Variants in LRRC8D observed in about 807,000 individuals in gnomAD.
LRRC8D encodes the protein volume-regulated anion channel subunit LRRC8D.
In LRRC8D, 20 loss-of-function variants were observed where a neutral mutation model predicts 55.8. The observed-to-expected ratio is 0.36, with a 90% confidence interval of 0.25 to 0.52. The LOEUF is 0.52. LRRC8D is among the 20% of genes least tolerant of loss of function. The pLI, the probability that LRRC8D is intolerant of heterozygous loss-of-function variation, is 0.93. For synonymous variants in LRRC8D, 352 were observed against 377.0 expected (o/e 0.93, Z 0.77); for missense variants, 651 against 1,030.8 (o/e 0.63, Z 5.05).
intron 2 of LRRC8D, among the ~76,000 whole-genome samples, chr1:89,864,068 C>T (rs1158060397): frequency 2.6e-5 from 4 of 152,188 alleles, no homozygotes; most frequent in Non-Finnish European, 4.4e-5. Context: ...CCCATTGTCC[C>T]ATCAAAGAAA....
At position 89,934,226 on chromosome 1, in the gene LRRC8D, G is replaced by C; in HGVS notation, c.1158G>C (p.Trp386Cys). 6.2e-7 allele frequency: 1 copy of C among 1,614,020 alleles called. No individual in the cohort carries two copies. The highest frequency in any genetic ancestry group is 8.5e-7 in the Non-Finnish European group (1 of 1,179,988). The change falls in exon 3 of 3, where the codon TGG becomes TGC. Residue 386 changes from tryptophan to cysteine, a missense_variant. By Grantham distance (215) the Trp-to-Cys change is radical. Around this residue, in one of 5 missense-constraint regions of LRRC8D, gnomAD observed 178 missense variants for 374.9 expected, o/e 0.47. Transcript: ENST00000337338. The surrounding 1 kb of genome is among the most constrained non-coding windows in gnomAD (Gnocchi z 5.9). ...TTATCTGCCTCTACACTCTCTTCTGGTTATTCAGGATACCTTTGAAGGAAT... is the reference window on the plus strand; with the variant it reads ...TTATCTGCCTCTACACTCTCTTCTGCTTATTCAGGATACCTTTGAAGGAAT... The part of the protein sequence containing the change: ...YGFICLYTLF[W>C]LFRIPLKEYS...
chr1:89,835,474 C>G (rs1002224663), intron 1 of LRRC8D, among the ~76,000 whole-genome samples: 9 of 152,188 alleles, frequency 5.9e-5, no homozygotes, highest in African/African-American at 2.2e-4. Context: ...CTGTTCAAAT[C>G]TAGAATGTGG....
intron 2 of LRRC8D, among the ~76,000 whole-genome samples, chr1:89,878,202 A>G (rs952167398): frequency 6.6e-6 from 1 of 152,230 alleles, no homozygotes; most frequent in African/African-American, 2.4e-5. Context: ...CAGTGAGTGC[A>G]GCTTCTTGAA....
At position 89,914,510 on chromosome 1, in the gene LRRC8D, A is replaced by ACTGT. The variant is rs11270435; in HGVS notation, c.-2-18556_-2-18555insTGTC. Among the ~76,000 whole-genome samples, 1,252 of 152,058 alleles carry ACTGT rather than the reference A, an allele frequency of 8.2e-3. 15 individuals carry two copies. Among genetic ancestry groups the ACTGT allele is most frequent in the African/African-American group, 0.027 (1,134 of 41,440 alleles). ...CAAGGGCTTTGAGGACTGCCAGCAC[A>ACTGT]CAATGTGACTACAGATTATTTGCCT... On this transcript the variant is annotated intron_variant, in intron 2 of 2. Coordinates refer to ENST00000337338, the MANE Select transcript of LRRC8D (RefSeq NM_001134479.2).
At chr1:89,892,986 T>C (rs576580356) in intron 2 of LRRC8D, among the ~76,000 whole-genome samples, 1 of 152,366 alleles carries the variant, frequency 6.6e-6, no homozygotes, top group Non-Finnish European at 1.5e-5. Context: ...TATTTATTTA[T>C]TAAACAGATA....
chr1:89,902,981 C>T (rs946081131), intron 2 of LRRC8D, among the ~76,000 whole-genome samples: 4 of 152,142 alleles, frequency 2.6e-5, no homozygotes, highest in Admixed American at 6.5e-5. Flanking sequence ...TTAATGTGCA[C>T]GGGGCACTGT....
At chr1:89,831,192 C>T (rs1660877586) in intron 1 of LRRC8D, among the ~76,000 whole-genome samples, 1 of 152,174 alleles carries the variant, frequency 6.6e-6, no homozygotes, top group African/African-American at 2.4e-5. Context: ...AGGCATGAGC[C>T]ACCACGCCTG....
intron 1 of LRRC8D, among the ~76,000 whole-genome samples, chr1:89,823,377 T>C (rs956381910): frequency 2.0e-5 from 3 of 152,218 alleles, no homozygotes; most frequent in South Asian, 2.1e-4. Context: ...ACTAGGCCCC[T>C]TTTCCCTTAA....
rs767402114 is a variant in LRRC8D at position 89,934,763 on chromosome 1, G to A, written c.1695G>A (p.Leu565=). The A allele has an allele frequency of 6.2e-7, 1 of 1,614,138 alleles. No homozygotes were observed. Among genetic ancestry groups the A allele is most frequent in the Non-Finnish European group, 8.5e-7 (1 of 1,180,040 alleles). The stretch of plus-strand genomic sequence containing the variant: ...ATTTGCTCAAAAACCTTCGAGAGTT[G>A]TACTTAATAGGCAATTTGAACTCTG... ...WVYLLKNLRE[L]YLIGNLNSEN... is the part of the protein sequence containing the mutation. The change falls in exon 3 of 3, where the codon TTG becomes TTA. Residue 565 remains leucine, a synonymous_variant. Coordinates refer to ENST00000337338, the MANE Select transcript of LRRC8D (RefSeq NM_001134479.2). The surrounding 1 kb of genome is among the most constrained non-coding windows in gnomAD (Gnocchi z 5.9).
intron 2 of LRRC8D, among the ~76,000 whole-genome samples, chr1:89,896,137 G>A (rs1338127989): frequency 6.6e-6 from 1 of 152,146 alleles, no homozygotes; most frequent in East Asian, 1.9e-4. Context: ...TAAATACATG[G>A]CCAATAACGG....
intron 2 of LRRC8D, among the ~76,000 whole-genome samples, chr1:89,873,731 A>G (rs1443053940): frequency 6.6e-6 from 1 of 152,236 alleles, no homozygotes; most frequent in Non-Finnish European, 1.5e-5. Flanking sequence ...CCTGTCTGTT[A>G]AGTTGGTTGG....
intron 2 of LRRC8D, among the ~76,000 whole-genome samples, chr1:89,849,256 A>G (rs557885552): frequency 2.6e-5 from 4 of 152,346 alleles, no homozygotes; most frequent in Admixed American, 2.6e-4. Context: ...AGGGACATGA[A>G]AGGGTCAACA....
intron 1 of LRRC8D, among the ~76,000 whole-genome samples, chr1:89,838,524 C>G (rs1294578363): frequency 6.6e-6 from 1 of 152,156 alleles, no homozygotes; most frequent in Non-Finnish European, 1.5e-5. Context: ...CTATGTAATA[C>G]ACATCAAAAT....
intron 1 of LRRC8D, among the ~76,000 whole-genome samples, chr1:89,832,855 T>A (rs1660919227): frequency 6.6e-6 from 1 of 152,246 alleles, no homozygotes; most frequent in African/African-American, 2.4e-5. Flanking sequence ...GAAATAAGAC[T>A]AGGAAACACT....
At chr1:89,862,256 G>C (rs138703806) in intron 2 of LRRC8D, among the ~76,000 whole-genome samples, 1 of 152,248 alleles carries the variant, frequency 6.6e-6, no homozygotes, top group Non-Finnish European at 1.5e-5. Flanking sequence ...TCAGGGAGAT[G>C]TGGGCCCTAA....
chr1:89,851,215 A>C (rs940229139), intron 2 of LRRC8D, among the ~76,000 whole-genome samples: 1 of 152,144 alleles, frequency 6.6e-6, no homozygotes, highest in Non-Finnish European at 1.5e-5. Flanking sequence ...GCTATGAGGT[A>C]CATTCCTGGT....
At chr1:89,864,289 A>G (rs748385635) in intron 2 of LRRC8D, among the ~76,000 whole-genome samples, 17 of 152,206 alleles carry the variant, frequency 1.1e-4, no homozygotes, top group African/African-American at 4.1e-4. Context: ...ACATAGATGC[A>G]GAGGTAAGAA....
At chr1:89,842,381 C>T (rs957155200) in intron 1 of LRRC8D, among the ~76,000 whole-genome samples, 4 of 152,164 alleles carry the variant, frequency 2.6e-5, no homozygotes, top group Non-Finnish European at 5.9e-5. Context: ...TGTTTCCTCA[C>T]TTGGGAATAT....
intron 2 of LRRC8D, among the ~76,000 whole-genome samples, chr1:89,908,263 A>G (rs1663044877): frequency 6.6e-6 from 1 of 152,242 alleles, no homozygotes; most frequent in Non-Finnish European, 1.5e-5. Context: ...TGTGTAATTT[A>G]CAAAGTATTT....
Sources: gnomAD v4.1 joint callset for allele counts (sites outside exome capture counted in the v4.1 genomes callset) on GRCh38, gnomAD v4.1.1 for gene constraint, gnomAD v4.1.1 regional missense constraint, Gnocchi (gnomAD v3.1) non-coding constraint, MANE v1.5 for transcripts, NCBI Gene and HGNC (gene_info 2026-07-23, HGNC 2026-07-21) for gene names.